NELL1: variants seen among roughly 807,000 people sequenced by gnomAD.
NELL1 encodes protein kinase C-binding protein NELL1.
Under a neutral mutation model 107.4 loss-of-function variants are expected in NELL1, and 76 were observed. That is an observed-to-expected ratio of 0.71 (90% CI 0.59 to 0.86). The LOEUF is 0.86. Among genes scored for constraint, NELL1 ranks in the 40% least tolerant of loss-of-function variants. NELL1 has a pLI of 0.00. For synonymous variants in NELL1, 353 were observed against 341.2 expected (o/e 1.03, Z -0.38); for missense variants, 1,024 against 1,005.5 (o/e 1.02, Z -0.25).
chr11:21,362,803 G>C (rs141730224), intron 14 of NELL1, among the ~76,000 whole-genome samples: 2 of 152,134 alleles, frequency 1.3e-5, no homozygotes, highest in African/African-American at 4.8e-5. Flanking sequence ...TTATCAGGTG[G>C]GGGAGGCTTA....
intron 13 of NELL1, among the ~76,000 whole-genome samples, chr11:21,171,742 T>C (rs937936442): frequency 6.6e-6 from 1 of 151,792 alleles, no homozygotes; most frequent in Non-Finnish European, 1.5e-5. Flanking sequence ...GAATGGAAAT[T>C]CCCTATATTA....
chr11:21,127,827 T>G (rs547154740), intron 13 of NELL1, among the ~76,000 whole-genome samples: 1 of 152,348 alleles, frequency 6.6e-6, no homozygotes. Context: ...ATTATAAGAT[T>G]ATTTGAAAGA....
In NELL1 at chr11:20,783,056, G is replaced by A. The variant is rs181628019; in HGVS notation, c.185-624G>A. Among the ~76,000 whole-genome samples the A allele has an allele frequency of 1.2e-4, 19 of 152,344 alleles. No homozygotes were observed. The East Asian group carries it at 3.3e-3, about 26-fold the overall frequency. ...TTATGGAGAAATTCCAGGCACGGGT[G>A]TGGAGCATGAGCATGCCTTGTATTT... On this transcript the variant is annotated intron_variant, in intron 2 of 19. Transcript: ENST00000357134.
At chr11:21,395,502 G>C (rs1183676154) in intron 15 of NELL1, among the ~76,000 whole-genome samples, 1 of 151,394 alleles carries the variant, frequency 6.6e-6, no homozygotes, top group African/African-American at 2.4e-5. Flanking sequence ...GTCCTGTTTT[G>C]GTCCCTGGGG....
intron 2 of NELL1, among the ~76,000 whole-genome samples, chr11:20,754,391 A>T (rs80256331): frequency 2.0e-5 from 3 of 152,302 alleles, no homozygotes; most frequent in Non-Finnish European, 4.4e-5. Flanking sequence ...GACCTGAAGG[A>T]TGAACCCTAG....
At chr11:21,453,327 TTTA>T (rs1853635029) in intron 15 of NELL1, among the ~76,000 whole-genome samples, 1 of 151,782 alleles carries the variant, frequency 6.6e-6, no homozygotes, top group South Asian at 2.1e-4. Context: ...TTATGACTTC[TTTA>T]TTAATTGACC....
intron 15 of NELL1, among the ~76,000 whole-genome samples, chr11:21,492,318 A>G (rs1051162583): frequency 1.5e-3 from 225 of 152,222 alleles, no homozygotes; most frequent in Non-Finnish European, 1.6e-3. Flanking sequence ...TAGTTCAACC[A>G]TTGTGGAAGT....
At chr11:21,056,397 C>T (rs555064206) in intron 12 of NELL1, among the ~76,000 whole-genome samples, 2 of 152,224 alleles carry the variant, frequency 1.3e-5, no homozygotes, top group South Asian at 4.1e-4. Flanking sequence ...AAGACTTCCC[C>T]TCAGAAGTGA....
At chr11:20,816,754 C>A (rs533712756) in intron 3 of NELL1, among the ~76,000 whole-genome samples, 57 of 152,242 alleles carry the variant, frequency 3.7e-4, no homozygotes, top group Non-Finnish European at 5.4e-4. Context: ...TTTACCTGTT[C>A]AGAATGTTGT....
intron 16 of NELL1, among the ~76,000 whole-genome samples, chr11:21,549,776 T>C (rs970578940): frequency 5.9e-5 from 9 of 151,836 alleles, no homozygotes; most frequent in African/African-American, 1.9e-4. Context: ...ATATGAAAGA[T>C]TGCCAAAGGT....
chr11:21,143,251 C>A (rs1235066979), intron 13 of NELL1, among the ~76,000 whole-genome samples: 2 of 152,114 alleles, frequency 1.3e-5, no homozygotes, highest in African/African-American at 4.8e-5. Flanking sequence ...GCAGGATGAA[C>A]TTTTTATTAT....
chr11:21,490,500 T>G (rs1405577621), intron 15 of NELL1, among the ~76,000 whole-genome samples: 26 of 141,766 alleles, frequency 1.8e-4, no homozygotes, highest in Admixed American at 1.8e-3. Flanking sequence ...AAAGCAATCT[T>G]GAACAAAAAG....
In NELL1 at chr11:20,756,604, G is replaced by A. The variant is rs898673594; in HGVS notation, c.185-27076G>A. On this transcript the variant is annotated intron_variant, in intron 2 of 19. Transcript: ENST00000357134. Reference sequence around the variant, plus strand: ...TCTGGATCTCCTGACCTCGTGATCCGCCCACCTTGGCCTCCGAAAGTGCTG... The same window carrying A: ...TCTGGATCTCCTGACCTCGTGATCCACCCACCTTGGCCTCCGAAAGTGCTG... 2.9e-5 allele frequency among the ~76,000 whole-genome samples: 4 copies of A among 138,036 alleles called. No individual in the cohort carries two copies. In the South Asian group the frequency reaches 7.1e-4, roughly 25 times the overall value. The allele number at this position is 138,036 out of a possible 152,430, so 90.6% of individuals were successfully genotyped here.
chr11:20,817,738 T>G (rs933837733), intron 3 of NELL1, among the ~76,000 whole-genome samples: 1 of 151,900 alleles, frequency 6.6e-6, no homozygotes, highest in African/African-American at 2.4e-5. Flanking sequence ...AATTGTTGAT[T>G]TGAGGTCTTT....
intron 2 of NELL1, among the ~76,000 whole-genome samples, chr11:20,703,596 A>T (rs1423530175): frequency 6.6e-6 from 1 of 152,158 alleles, no homozygotes; most frequent in Non-Finnish European, 1.5e-5. Context: ...CTGTGATGTT[A>T]GGGTGTCAAT....
intron 12 of NELL1, among the ~76,000 whole-genome samples, chr11:20,971,180 C>G (rs1387324339): frequency 1.3e-5 from 2 of 151,952 alleles, no homozygotes; most frequent in African/African-American, 4.8e-5. Context: ...TGTGTATGGC[C>G]TTACATTATT....
At chr11:20,710,010 C>T (rs1192460592) in intron 2 of NELL1, among the ~76,000 whole-genome samples, 1 of 152,162 alleles carries the variant, frequency 6.6e-6, no homozygotes, top group Non-Finnish European at 1.5e-5. Context: ...AACAGTTTGT[C>T]TTCCACTTTA....
intron 13 of NELL1, among the ~76,000 whole-genome samples, chr11:21,204,959 T>G (rs956587101): frequency 6.6e-6 from 1 of 152,162 alleles, no homozygotes; most frequent in African/African-American, 2.4e-5. Context: ...CAGCAAAGAT[T>G]GCTGCGTGTT....
chr11:20,885,314 A>G, intron 4 of NELL1, 130 bp from the exon 5 acceptor site: 1 of 644,614 alleles, frequency 1.6e-6, no homozygotes, highest in Non-Finnish European at 2.9e-6. Context: ...GTTATCTGTC[A>G]TGTAAAGTGT....
Sources: gnomAD v4.1 joint callset for allele counts (sites outside exome capture counted in the v4.1 genomes callset) on GRCh38, gnomAD v4.1.1 for gene constraint, MANE v1.5 for transcripts, NCBI Gene and HGNC (gene_info 2026-07-23, HGNC 2026-07-21) for gene names.